The following DPP6 variants were observed in gnomAD, a reference collection of about 807,000 sequenced individuals.
The protein encoded by DPP6 is dipeptidyl peptidase like 6.
Under a neutral mutation model 122.6 loss-of-function variants are expected in DPP6, and 69 were observed. The ratio of observed to expected loss-of-function variants is 0.56; its 90% CI spans 0.46 to 0.69. The LOEUF is 0.69. Among genes scored for constraint, DPP6 ranks in the 30% least tolerant of loss-of-function variants. The pLI, the probability that DPP6 is intolerant of heterozygous loss-of-function variation, is 0.00. For missense variants in DPP6, 928 were observed against 1,116.9 expected (o/e 0.83, Z 2.41); for synonymous variants, 418 against 433.1 (o/e 0.97, Z 0.43).
intron 6 of DPP6, among the ~76,000 whole-genome samples, chr7:154,655,899 C>T (rs1319007568): frequency 6.6e-6 from 1 of 152,076 alleles, no homozygotes; most frequent in East Asian, 1.9e-4. Context: ...GCTACCTGGC[C>T]CTGAGCAAGT....
chr7:153,967,404 A>G (rs1406581924), intron 1 of DPP6, among the ~76,000 whole-genome samples: 1 of 152,216 alleles, frequency 6.6e-6, no homozygotes, highest in Non-Finnish European at 1.5e-5. Flanking sequence ...AGGCCGGAGC[A>G]TGAACAAGGA....
intron 4 of DPP6, among the ~76,000 whole-genome samples, chr7:154,560,178 G>T (rs1300584138): frequency 4.6e-5 from 7 of 151,854 alleles, no homozygotes; most frequent in Admixed American, 4.6e-4. Flanking sequence ...GCCAGGTTTT[G>T]GGTGGAAATT....
intron 2 of DPP6, among the ~76,000 whole-genome samples, chr7:154,471,769 A>T (rs181973546): frequency 6.6e-6 from 1 of 152,306 alleles, no homozygotes; most frequent in African/African-American, 2.4e-5. Context: ...AATTTAAATC[A>T]ATAGGGAAAA....
chr7:154,070,771 T>G (rs1465608000), intron 1 of DPP6, among the ~76,000 whole-genome samples: 1 of 152,206 alleles, frequency 6.6e-6, no homozygotes, highest in Non-Finnish European at 1.5e-5. Context: ...TATGGGAAAC[T>G]GTATTTGTAG....
In DPP6 at chr7:153,919,269, A is replaced by G. The variant is rs557516779; in HGVS notation, c.51+31535A>G. ...TCTGACTCTATGTCATCCTTGCACC[A>G]GTGGAAGATTGGGTTATGCCTTTCC... On this transcript the variant is annotated intron_variant, in intron 1 of 25. Coordinates refer to the DPP6 transcript ENST00000404039. Among the ~76,000 whole-genome samples, 128 of 152,284 alleles carry G rather than the reference A, an allele frequency of 8.4e-4. No individual in the cohort carries two copies. In the Middle Eastern group the frequency reaches 0.02, roughly 24 times the overall value.
chr7:153,776,897 C>T, the DPP6 span, among the ~76,000 whole-genome samples: 4 of 152,144 alleles, frequency 2.6e-5, no homozygotes, highest in Admixed American at 6.5e-5. Flanking sequence ...AGGAAAGAAT[C>T]AGTAAAATGG....
intron 4 of DPP6, among the ~76,000 whole-genome samples, chr7:154,547,768 T>C (rs1211135659): frequency 4.6e-5 from 7 of 152,058 alleles, no homozygotes; most frequent in Non-Finnish European, 8.8e-5. Context: ...CTCTCTCTCT[T>C]TTTTTTTCTT....
intron 13 of DPP6, among the ~76,000 whole-genome samples, 179 bp downstream of exon 13, chr7:154,801,641 T>C (rs978166225): frequency 1.3e-5 from 2 of 152,094 alleles, no homozygotes; most frequent in African/African-American, 4.8e-5. Context: ...TCAGGCCTGG[T>C]GGAACCTTGC....
chr7:153,759,356 T>C, the DPP6 span, among the ~76,000 whole-genome samples: 1 of 151,998 alleles, frequency 6.6e-6, no homozygotes, highest in African/African-American at 2.4e-5. Flanking sequence ...TCTCGCTCTG[T>C]CACCCAGGCT....
intron 4 of DPP6, among the ~76,000 whole-genome samples, chr7:154,543,090 A>C (rs1287249153): frequency 6.6e-6 from 1 of 152,210 alleles, no homozygotes; most frequent in Non-Finnish European, 1.5e-5. Flanking sequence ...GGGGAGCAGT[A>C]GCTCTTCCAT....
intron 1 of DPP6, among the ~76,000 whole-genome samples, chr7:154,256,919 T>C (rs1351103563): frequency 6.6e-6 from 1 of 152,050 alleles, no homozygotes; most frequent in African/African-American, 2.4e-5. Context: ...GTCAAGTGCA[T>C]CTAGAAAATG....
chr7:154,745,497 A>T (rs1330053445), intron 8 of DPP6, among the ~76,000 whole-genome samples: 3 of 152,200 alleles, frequency 2.0e-5, no homozygotes, highest in Non-Finnish European at 4.4e-5. Context: ...TAGAGGCTAG[A>T]ATGCTCAATG....
chr7:153,843,165 TAC>T, the DPP6 span, among the ~76,000 whole-genome samples: 4 of 151,184 alleles, frequency 2.6e-5, no homozygotes, highest in South Asian at 2.1e-4. Context: ...CATATGTGCA[TAC>T]ACACACGAGT....
chr7:154,093,450 C>A (rs1405515775), intron 1 of DPP6, among the ~76,000 whole-genome samples: 1 of 127,868 alleles, frequency 7.8e-6, no homozygotes, highest in Non-Finnish European at 1.6e-5. Context: ...ACATCACATA[C>A]CACACACACC....
intron 16 of DPP6, among the ~76,000 whole-genome samples, chr7:154,835,196 C>T (rs1800951884): frequency 6.6e-6 from 1 of 152,108 alleles, no homozygotes; most frequent in Non-Finnish European, 1.5e-5. Flanking sequence ...GTAGGATGGA[C>T]CCCGGATCTG....
At position 154,241,174 on chromosome 7, in the gene DPP6, T is replaced by C. The variant is rs888607204; in HGVS notation, c.243+188111T>C. Among the ~76,000 whole-genome samples the C allele has an allele frequency of 1.5e-5, 2 of 133,640 alleles. No individual in the cohort carries two copies. The highest frequency in any genetic ancestry group is 5.6e-5 in the African/African-American group (2 of 35,726). The allele number at this position is 133,640 out of a possible 152,430, so 87.7% of individuals were successfully genotyped here. ...AACATATTGCTGCACAGTAGGTAAT[T>C]CAATATCAATATGTGTGTGTGTGTG... is the stretch of plus-strand genomic sequence containing the variant. On this transcript the variant is annotated intron_variant, in intron 1 of 25. Coordinates refer to ENST00000377770, the MANE Select transcript of DPP6 (RefSeq NM_130797.4). The surrounding 1 kb of genome is among the most constrained non-coding windows in gnomAD (Gnocchi z 9.0).
At chr7:154,252,890 A>G (rs1322028238) in intron 1 of DPP6, among the ~76,000 whole-genome samples, 1 of 152,232 alleles carries the variant, frequency 6.6e-6, no homozygotes, top group African/African-American at 2.4e-5. Flanking sequence ...TCTACGTGGC[A>G]GCTCCTTTGA....
intron 1 of DPP6, among the ~76,000 whole-genome samples, chr7:154,101,654 A>G (rs62487169): frequency 0.26 from 39,598 of 151,632 alleles, 5,434 homozygotes; most frequent in East Asian, 0.46. Context: ...TGGGCTGGGC[A>G]CAGTGGCTCA....
chr7:154,626,565 T>C (rs1172127479), intron 5 of DPP6, among the ~76,000 whole-genome samples: 1 of 152,228 alleles, frequency 6.6e-6, no homozygotes, highest in East Asian at 1.9e-4. Flanking sequence ...AACTAAGGTA[T>C]AATAGCGTTG....
Sources: allele counts gnomAD v4.1 joint callset (sites outside exome capture counted in the v4.1 genomes callset), GRCh38; gene constraint gnomAD v4.1.1; non-coding constraint Gnocchi (gnomAD v3.1); transcripts MANE v1.5; gene names NCBI Gene and HGNC (gene_info 2026-07-23, HGNC 2026-07-21).